NRXN1: variants seen among roughly 807,000 people sequenced by gnomAD.
The protein encoded by NRXN1 is neurexin 1, also known as neurexin-1.
NRXN1 carries 39 observed loss-of-function variants against 150.9 expected under a neutral mutation model. The ratio of observed to expected loss-of-function variants is 0.26; its 90% CI spans 0.20 to 0.34. The LOEUF is 0.34. NRXN1 is among the 10% of genes least tolerant of loss of function. NRXN1 has a pLI of 1.00. For missense variants in NRXN1, 1,815 were observed against 1,949.9 expected (o/e 0.93, Z 1.30); for synonymous variants, 924 against 757.0 (o/e 1.22, Z -3.62).
At chr2:50,456,667 T>G (rs547817617) in intron 17 of NRXN1, among the ~76,000 whole-genome samples, 1 of 152,218 alleles carries the variant, frequency 6.6e-6, no homozygotes, top group East Asian at 1.9e-4. Context: ...CTTGACCTTT[T>G]TTCTGGACTC....
Position 50,552,880 on chromosome 2 carries a change from G to C in NRXN1, c.1466C>G (p.Ser489Cys), listed in dbSNP as rs1373193133. The C allele has an allele frequency of 1.2e-6, 2 of 1,613,954 alleles. No individual in the cohort carries two copies. The highest frequency in any genetic ancestry group is 1.7e-6 in the Non-Finnish European group (2 of 1,179,856). ...LDPITFETPE[S>C]FISLPKWNAK... ...ATTCCATTTAGGCAAAGAGATGAAA[G>C]ACTCTGGGGTTTCAAAGGTGATTGG... The change falls in exon 9 of 23, where the codon TCT (serine) becomes TGT (cysteine). Residue 489 changes from serine to cysteine, a missense_variant. Transcript: ENST00000401669.
rs74447449 is a variant in NRXN1, at chr2:50,016,311, T to C, written c.4128+36960A>G. ...TTTCTACAAACTTAGGGGCCTTTCTTTGCGTTTAGTCAACTAAACTTGAAG... is the reference window on the plus strand; with the variant it reads ...TTTCTACAAACTTAGGGGCCTTTCTCTGCGTTTAGTCAACTAAACTTGAAG... On this transcript the variant is annotated intron_variant, in intron 21 of 22. Transcript: ENST00000401669. Among the ~76,000 whole-genome samples, 47 of 152,180 alleles carry C rather than the reference T, an allele frequency of 3.1e-4. No individual in the cohort carries two copies. The East Asian group carries it at 7.4e-3, about 24-fold the overall frequency.
At chr2:50,883,629 C>T (rs909790701) in intron 5 of NRXN1, among the ~76,000 whole-genome samples, 2 of 151,624 alleles carry the variant, frequency 1.3e-5, no homozygotes, top group Non-Finnish European at 3.0e-5. Context: ...TTTCTTGGGA[C>T]ACTATAGGAC....
rs900153827 is a variant in NRXN1, at chr2:51,029,089, T to C, written c.-816A>G. The C allele has an allele frequency of 2.0e-5, 3 of 152,256 alleles. No individual in the cohort carries two copies. The highest frequency in any genetic ancestry group is 7.2e-5 in the African/African-American group (3 of 41,472). The allele number at this position is 152,256 out of a possible 1,614,324, so 9.4% of individuals were successfully genotyped here. A position where few individuals can be genotyped will look rare whatever the true frequency, so the allele number is the denominator to read the frequency against. ...TGGAAATCGCAACAGCTCCTCTTCT[T>C]TTCTCTCTGCCTCTGCAGGGCCAAG... On this transcript the variant is annotated 5_prime_UTR_variant, in exon 2 of 23. Coordinates refer to ENST00000401669, the MANE Select transcript of NRXN1 (RefSeq NM_001330078.2).
intron 17 of NRXN1, among the ~76,000 whole-genome samples, chr2:50,250,925 A>G (rs934918688): frequency 2.6e-5 from 4 of 151,448 alleles, no homozygotes; most frequent in African/African-American, 2.4e-5. Flanking sequence ...CACATTGCAT[A>G]TGTAATAAAT....
intron 12 of NRXN1, among the ~76,000 whole-genome samples, chr2:50,524,011 G>A (rs945178498): frequency 2.6e-5 from 4 of 152,212 alleles, no homozygotes; most frequent in Admixed American, 2.0e-4. Context: ...GATAACGGAA[G>A]AAACAATACT....
intron 17 of NRXN1, among the ~76,000 whole-genome samples, chr2:50,453,301 G>T (rs575848445): frequency 6.6e-6 from 1 of 152,268 alleles, no homozygotes; most frequent in African/African-American, 2.4e-5. Flanking sequence ...TGAGATCTAA[G>T]AATATGTATT....
At chr2:50,440,483 A>T (rs550455450) in intron 17 of NRXN1, among the ~76,000 whole-genome samples, 1 of 152,200 alleles carries the variant, frequency 6.6e-6, no homozygotes, top group African/African-American at 2.4e-5. Context: ...AGTCAAGATG[A>T]ATAATAAATA....
chr2:50,343,846 C>T (rs530015470), intron 17 of NRXN1, among the ~76,000 whole-genome samples: 48 of 152,272 alleles, frequency 3.2e-4, no homozygotes, highest in Middle Eastern at 6.8e-3. Flanking sequence ...CATGCATTCT[C>T]TATTATGAAA....
intron 5 of NRXN1, chr2:50,631,111 G>T: frequency 2.2e-6 from 1 of 450,554 alleles, no homozygotes; most frequent in Admixed American, 2.6e-5. Context: ...ACTTTCAAGG[G>T]AGAGTAGTTC....
chr2:50,178,960 G>C (rs1243627587), intron 18 of NRXN1, among the ~76,000 whole-genome samples: 4 of 152,060 alleles, frequency 2.6e-5, no homozygotes, highest in African/African-American at 7.2e-5. Flanking sequence ...TCTTTGTAAA[G>C]AGAAATACCT....
intron 8 of NRXN1, among the ~76,000 whole-genome samples, chr2:50,593,978 T>C (rs890375445): frequency 3.9e-5 from 6 of 152,138 alleles, no homozygotes; most frequent in Admixed American, 6.6e-5. Flanking sequence ...TATTTTGAAA[T>C]TGACAATCTG....
intron 21 of NRXN1, among the ~76,000 whole-genome samples, chr2:50,019,472 G>T (rs1200561767): frequency 6.6e-6 from 1 of 150,752 alleles, no homozygotes; most frequent in East Asian, 2.0e-4. Context: ...GTGAAACCCC[G>T]TCTCTACTAA....
intron 13 of NRXN1, among the ~76,000 whole-genome samples, chr2:50,502,366 C>T (rs1442906461): frequency 1.3e-5 from 2 of 152,002 alleles, no homozygotes; most frequent in African/African-American, 4.8e-5. Context: ...TTATTTGTTG[C>T]CTTCAACTAA....
chr2:49,940,184 G>A (rs1008028214), intron 22 of NRXN1, among the ~76,000 whole-genome samples: 5 of 152,032 alleles, frequency 3.3e-5, no homozygotes, highest in African/African-American at 4.8e-5. Context: ...TTTGGGCAAC[G>A]CATCTATAAA....
intron 8 of NRXN1, among the ~76,000 whole-genome samples, chr2:50,595,917 A>G (rs1675125153): frequency 6.6e-6 from 1 of 152,248 alleles, no homozygotes; most frequent in South Asian, 2.1e-4. Flanking sequence ...ACTGTGTTAT[A>G]GAGGCTCTTA....
chr2:50,174,632 C>G (rs182605330), intron 18 of NRXN1: 1 of 152,056 alleles, frequency 6.6e-6, no homozygotes, highest in African/African-American at 2.4e-5. Context: ...TTAGTTCTAT[C>G]ACTTATTAGC....
intron 18 of NRXN1, among the ~76,000 whole-genome samples, chr2:50,150,010 T>A (rs530971431): frequency 7.2e-5 from 11 of 151,874 alleles, no homozygotes; most frequent in Non-Finnish European, 8.8e-5. Context: ...TTAAATTTGG[T>A]CCAAGACTTG....
chr2:50,456,141 C>A (rs1198181448), intron 17 of NRXN1, among the ~76,000 whole-genome samples: 1 of 152,146 alleles, frequency 6.6e-6, no homozygotes, highest in Admixed American at 6.6e-5. Flanking sequence ...TTTCCACTGT[C>A]TCCTTCAAAT....
Sources: gnomAD v4.1 joint callset for allele counts (sites outside exome capture counted in the v4.1 genomes callset) on GRCh38, gnomAD v4.1.1 for gene constraint, MANE v1.5 for transcripts, NCBI Gene and HGNC (gene_info 2026-07-23, HGNC 2026-07-21) for gene names.